NELL1: variants seen among roughly 807,000 people sequenced by gnomAD.
The protein encoded by NELL1 is neural EGFL like 1.
NELL1 carries 76 observed loss-of-function variants against 107.4 expected under a neutral mutation model. The ratio of observed to expected loss-of-function variants is 0.71; its 90% CI spans 0.59 to 0.86. NELL1 has a LOEUF of 0.86. NELL1 is among the 40% of genes least tolerant of loss of function. NELL1 has a pLI of 0.00. For synonymous variants in NELL1, 353 were observed against 341.2 expected (o/e 1.03, Z -0.38); for missense variants, 1,024 against 1,005.5 (o/e 1.02, Z -0.25).
chr11:20,957,296 T>C (rs1284060365), intron 11 of NELL1, among the ~76,000 whole-genome samples: 3 of 152,186 alleles, frequency 2.0e-5, no homozygotes, highest in Non-Finnish European at 4.4e-5. Flanking sequence ...CTTGCATTCC[T>C]AAAAGCTTAG....
intron 12 of NELL1, among the ~76,000 whole-genome samples, chr11:20,970,591 A>G (rs1329429555): frequency 1.3e-5 from 2 of 152,184 alleles, no homozygotes; most frequent in African/African-American, 2.4e-5. Context: ...TGACATTTGA[A>G]CGGAGTTCTT....
chr11:21,570,611 G>T (rs1001295987), intron 17 of NELL1, among the ~76,000 whole-genome samples, 153 bp from the exon 18 acceptor site: 1 of 151,770 alleles, frequency 6.6e-6, no homozygotes, highest in Admixed American at 6.6e-5. Flanking sequence ...GAAAGAAAGG[G>T]TGTGTTTGTG....
At chr11:20,924,824 T>C (rs16907044) in intron 7 of NELL1, among the ~76,000 whole-genome samples, 9,553 of 152,244 alleles carry the variant, frequency 0.063, 382 homozygotes, top group Middle Eastern at 0.14. Flanking sequence ...GCTATGGAAA[T>C]GAAGTAAAGA....
At chr11:20,956,968 G>C (rs1438514657) in intron 11 of NELL1, among the ~76,000 whole-genome samples, 1 of 152,066 alleles carries the variant, frequency 6.6e-6, no homozygotes, top group Admixed American at 6.5e-5. Context: ...TGGAACATTT[G>C]GTGGAGATGG....
chr11:20,970,500 A>G (rs1253017564), intron 12 of NELL1, among the ~76,000 whole-genome samples: 1 of 152,180 alleles, frequency 6.6e-6, no homozygotes, highest in Non-Finnish European at 1.5e-5. Flanking sequence ...CTATCCTAGG[A>G]TTTAAATAGT....
At chr11:21,420,068 G>A (rs1025703925) in intron 15 of NELL1, among the ~76,000 whole-genome samples, 43 of 151,932 alleles carry the variant, frequency 2.8e-4, no homozygotes, top group African/African-American at 1.0e-3. Context: ...GTGTGTGTAC[G>A]TGTGTTTGAA....
At chr11:21,147,252 G>C (rs1345018759) in intron 13 of NELL1, among the ~76,000 whole-genome samples, 1 of 152,124 alleles carries the variant, frequency 6.6e-6, no homozygotes. Flanking sequence ...AAATTAAACA[G>C]ATTTATTTGC....
intron 13 of NELL1, among the ~76,000 whole-genome samples, chr11:21,140,611 T>C (rs1478436185): frequency 6.6e-6 from 1 of 152,204 alleles, no homozygotes; most frequent in Non-Finnish European, 1.5e-5. Flanking sequence ...GCAATTTGTT[T>C]TATCTTCTAA....
chr11:20,803,576 C>A (rs999821682), intron 3 of NELL1, among the ~76,000 whole-genome samples: 5 of 152,134 alleles, frequency 3.3e-5, no homozygotes, highest in African/African-American at 1.2e-4. Flanking sequence ...TATTTCTTTA[C>A]ATCTACTAAC....
Position 20,884,346 on chromosome 11 carries a change from G to C in NELL1, c.507-1098G>C, listed in dbSNP as rs2163148. Among the ~76,000 whole-genome samples, 1,186 of 152,326 alleles carry C rather than the reference G, an allele frequency of 7.8e-3. 18 individuals carry two copies. Among genetic ancestry groups the C allele is most frequent in the African/African-American group, 0.027 (1,124 of 41,568 alleles). On this transcript the variant is annotated intron_variant, in intron 4 of 19. Transcript: ENST00000357134. ...GTCAGCTCCATCACAGCAGGGAGGA[G>C]TGATGAGCTGTCCGTACCTCTGGAC... is the stretch of plus-strand genomic sequence containing the variant.
At position 21,039,278 on chromosome 11, in the gene NELL1, T is replaced by G. The variant is rs190453709; in HGVS notation, c.1301-74311T>G. Among the ~76,000 whole-genome samples the G allele has an allele frequency of 2.6e-3, 397 of 152,130 alleles. 2 individuals carry two copies. Among genetic ancestry groups the G allele is most frequent in the African/African-American group, 9.0e-3 (375 of 41,524 alleles). ...TCGGCTCACTGCAACCTCTGCCTCC[T>G]GGGTTCAAGCAATTCTCCTGTCTCA... On this transcript the variant is annotated intron_variant, in intron 12 of 19. Transcript: ENST00000357134.
intron 12 of NELL1, among the ~76,000 whole-genome samples, chr11:21,011,703 C>A (rs188219969): frequency 2.6e-5 from 4 of 152,144 alleles, no homozygotes; most frequent in Non-Finnish European, 5.9e-5. Context: ...TTTGTGCCTA[C>A]TGCACATGCA....
chr11:21,417,821 C>T (rs894932226), intron 15 of NELL1, among the ~76,000 whole-genome samples: 5 of 151,990 alleles, frequency 3.3e-5, no homozygotes, highest in Admixed American at 6.6e-5. Context: ...CTATTAGTCG[C>T]ACCTCACATC....
intron 12 of NELL1, among the ~76,000 whole-genome samples, chr11:20,981,359 A>T (rs781238086): frequency 6.6e-6 from 1 of 152,188 alleles, no homozygotes; most frequent in African/African-American, 2.4e-5. Flanking sequence ...CTCAGGCCCC[A>T]TCAAAGGTAT....
intron 10 of NELL1, among the ~76,000 whole-genome samples, chr11:20,941,462 TC>T (rs1250649629): frequency 6.6e-6 from 1 of 152,164 alleles, no homozygotes; most frequent in African/African-American, 2.4e-5. Flanking sequence ...TGCGTTCTTT[TC>T]CCCCATTGGG....
At chr11:21,518,851 A>G (rs181965120) in intron 15 of NELL1, among the ~76,000 whole-genome samples, 2 of 152,208 alleles carry the variant, frequency 1.3e-5, no homozygotes, top group African/African-American at 4.8e-5. Context: ...TGTAAAATAG[A>G]GATAAAAATA....
intron 12 of NELL1, among the ~76,000 whole-genome samples, chr11:20,966,090 A>G (rs1851382222): frequency 6.6e-6 from 1 of 152,170 alleles, no homozygotes; most frequent in African/African-American, 2.4e-5. Context: ...TCTACTTTAG[A>G]CAGCAAAGCA....
At chr11:21,253,731 TAGTC>T (rs1457825244) in intron 14 of NELL1, among the ~76,000 whole-genome samples, 3 of 152,136 alleles carry the variant, frequency 2.0e-5, no homozygotes, top group East Asian at 3.9e-4. Context: ...CACTCTATAA[TAGTC>T]AGTCAGCCAA....
intron 16 of NELL1, among the ~76,000 whole-genome samples, chr11:21,540,798 A>C (rs1214711581): frequency 6.6e-6 from 1 of 152,108 alleles, no homozygotes; most frequent in South Asian, 2.1e-4. Context: ...TGGAGATTAC[A>C]ATTTGACATG....
Sources: gnomAD v4.1 joint callset for allele counts (sites outside exome capture counted in the v4.1 genomes callset) on GRCh38, gnomAD v4.1.1 for gene constraint, MANE v1.5 for transcripts, NCBI Gene and HGNC (gene_info 2026-07-23, HGNC 2026-07-21) for gene names.